DHRS7B: variants seen among roughly 807,000 people sequenced by gnomAD.
The protein encoded by DHRS7B is dehydrogenase/reductase 7B.
A neutral mutation model predicts 26.4 loss-of-function variants in DHRS7B; 24 were observed. The ratio of observed to expected loss-of-function variants is 0.91; its 90% CI spans 0.66 to 1.28. The LOEUF (loss-of-function observed/expected upper bound fraction) is 1.28. Ranked by LOEUF, DHRS7B falls within the 50% of genes most tolerant of loss-of-function variation. The pLI, the probability that DHRS7B is intolerant of heterozygous loss-of-function variation, is 0.00. For synonymous variants in DHRS7B, 142 were observed against 166.4 expected (o/e 0.85, Z 1.13); for missense variants, 368 against 419.4 (o/e 0.88, Z 1.07).
chr17:21,157,465 G>T (rs1201477360), intron 1 of DHRS7B, among the ~76,000 whole-genome samples: 1 of 152,186 alleles, frequency 6.6e-6, no homozygotes, highest in Non-Finnish European at 1.5e-5. Context: ...GGAGGGCTGA[G>T]GTGAGAGAAT....
Position 21,191,015 on chromosome 17 carries a change from G to A in DHRS7B, c.840G>A (p.Val280=), listed in dbSNP as rs1567632626. Residue 280 remains valine, a synonymous_variant, in exon 7 of 7, where the codon GTG becomes GTA. Transcript: ENST00000395511. ...VEVAQDVLAA[V]GKKKKDVILA... ...TGGCCCAGGATGTTCTTGCTGCTGT[G>A]GGGAAGAAGAAGAAAGATGTGATCC... 1 of 1,614,270 alleles carries A rather than the reference G, an allele frequency of 6.2e-7. No homozygotes were observed.
intron 1 of DHRS7B, among the ~76,000 whole-genome samples, chr17:21,134,987 G>T (rs1973311047): frequency 6.6e-6 from 1 of 152,110 alleles, no homozygotes; most frequent in Non-Finnish European, 1.5e-5. Context: ...AAAGTTATGA[G>T]AAACCTGCAT....
intron 2 of DHRS7B, among the ~76,000 whole-genome samples, chr17:21,177,454 G>A (rs918342358): frequency 1.2e-4 from 19 of 152,192 alleles, no homozygotes; most frequent in African/African-American, 3.9e-4. Flanking sequence ...TGCTGTGGTC[G>A]TAGTTGAAGT....
chr17:21,165,823 G>T (rs182419295), intron 1 of DHRS7B, among the ~76,000 whole-genome samples: 65 of 146,574 alleles, frequency 4.4e-4, no homozygotes, highest in African/African-American at 1.6e-3. Context: ...GGCTGAGGCA[G>T]AAGAATTACT....
rs376241779 is a variant in DHRS7B at position 21,188,727 on chromosome 17, C to T, written c.636C>T (p.His212=). Residue 212 remains histidine (H), a synonymous_variant, in exon 6 of 7, where the codon CAC becomes CAT. Coordinates refer to ENST00000395511, the MANE Select transcript of DHRS7B (RefSeq NM_015510.5). The stretch of plus-strand genomic sequence containing the variant: ...CATGTGTAGATGCAGCCTCCAAGCA[C>T]GCAACCCAGGCTTTCTTTGACTGTC... ...PFRSAYAASK[H]ATQAFFDCLR... The T allele has an allele frequency of 7.0e-5, 112 of 1,601,428 alleles. No homozygotes were observed. Among genetic ancestry groups the T allele is most frequent in the Non-Finnish European group, 8.9e-5 (104 of 1,173,736 alleles).
At chr17:21,189,781 A>T (rs1974735871) in intron 6 of DHRS7B, among the ~76,000 whole-genome samples, 1 of 152,260 alleles carries the variant, frequency 6.6e-6, no homozygotes, top group South Asian at 2.1e-4. Flanking sequence ...ATTTAAAAAT[A>T]AGCTGTAATC....
intron 1 of DHRS7B, among the ~76,000 whole-genome samples, chr17:21,155,010 T>A (rs1279049621): frequency 6.6e-6 from 1 of 151,782 alleles, no homozygotes; most frequent in African/African-American, 2.4e-5. Flanking sequence ...GGAGAGAAAA[T>A]AGAATCATAT....
chr17:21,161,902 A>G (rs545865554), intron 1 of DHRS7B, among the ~76,000 whole-genome samples: 1 of 152,254 alleles, frequency 6.6e-6, no homozygotes, highest in South Asian at 2.1e-4. Flanking sequence ...GTTTGCTGGC[A>G]TTAAAAGTCA....
intron 2 of DHRS7B, among the ~76,000 whole-genome samples, chr17:21,173,365 A>C (rs904289353): frequency 1.8e-4 from 27 of 152,232 alleles, no homozygotes; most frequent in Admixed American, 1.6e-3. Flanking sequence ...GCCAGAAGGT[A>C]CAAAACCTAG....
chr17:21,143,051 C>A (rs1973559642), intron 1 of DHRS7B, among the ~76,000 whole-genome samples: 2 of 152,230 alleles, frequency 1.3e-5, no homozygotes, highest in South Asian at 4.1e-4. Flanking sequence ...GCCTCAGCCT[C>A]CTGAGCAGCT....
chr17:21,161,232 C>A (rs1344645179), intron 1 of DHRS7B, among the ~76,000 whole-genome samples: 1 of 152,106 alleles, frequency 6.6e-6, no homozygotes, highest in African/African-American at 2.4e-5. Flanking sequence ...AGCATAGGCG[C>A]ATGGGTTTTA....
chr17:21,182,516 T>C (rs1422219441), intron 3 of DHRS7B, among the ~76,000 whole-genome samples: 2 of 152,156 alleles, frequency 1.3e-5, no homozygotes, highest in Non-Finnish European at 2.9e-5. Context: ...CCCAAAGTGC[T>C]AGGATTATAG....
chr17:21,141,096 C>T (rs1040682922), intron 1 of DHRS7B, among the ~76,000 whole-genome samples: 3 of 152,108 alleles, frequency 2.0e-5, no homozygotes, highest in Non-Finnish European at 1.5e-5. Flanking sequence ...TCCTTATATG[C>T]GATTCCTGGA....
intron 1 of DHRS7B, among the ~76,000 whole-genome samples, chr17:21,133,416 GC>G (rs112412538): frequency 6.6e-6 from 1 of 151,948 alleles, no homozygotes; most frequent in African/African-American, 2.4e-5. Flanking sequence ...TCAAAGTGGG[GC>G]CCCCCTTCAG....
At chr17:21,190,771 C>T (rs1447660979) in intron 6 of DHRS7B, among the ~76,000 whole-genome samples, 177 bp from the exon 7 acceptor site, 3 of 152,246 alleles carry the variant, frequency 2.0e-5, no homozygotes, top group Non-Finnish European at 4.4e-5. Flanking sequence ...ATGGTTCCCT[C>T]TTTCCTTGGA....
chr17:21,138,095 T>TACACAC (rs1395026542), intron 1 of DHRS7B, among the ~76,000 whole-genome samples: 1,767 of 81,504 alleles, frequency 0.022, 29 homozygotes, highest in South Asian at 0.028. Flanking sequence ...TATATATATA[T>TACACAC]ATATATACAC....
intron 3 of DHRS7B, among the ~76,000 whole-genome samples, chr17:21,181,393 G>A (rs1358024619): frequency 6.6e-6 from 1 of 152,182 alleles, no homozygotes; most frequent in South Asian, 2.1e-4. Flanking sequence ...GCCGGACTGA[G>A]TAATTTTTAA....
At chr17:21,127,241 C>T (rs968143397) in intron 1 of DHRS7B, 2 of 476,640 alleles carry the variant, frequency 4.2e-6, no homozygotes, top group South Asian at 3.5e-5. Context: ...GTCTTGAGTC[C>T]AGTTTCCGCT....
At chr17:21,186,241 A>G (rs1974631853) in intron 5 of DHRS7B, among the ~76,000 whole-genome samples, 1 of 152,240 alleles carries the variant, frequency 6.6e-6, no homozygotes, top group Non-Finnish European at 1.5e-5. Flanking sequence ...AGACCAAGTC[A>G]CGTGGTCCAC....
Sources: gnomAD v4.1 joint callset for allele counts (sites outside exome capture counted in the v4.1 genomes callset) on GRCh38, gnomAD v4.1.1 for gene constraint, MANE v1.5 for transcripts, NCBI Gene and HGNC (gene_info 2026-07-23, HGNC 2026-07-21) for gene names.